The following TJP2 variants were observed in gnomAD, a reference collection of about 807,000 sequenced individuals.
TJP2 encodes the protein Friedreich ataxia region gene X104 (tight junction protein ZO-2).
TJP2 carries 91 observed loss-of-function variants against 133.1 expected under a neutral mutation model. That is an observed-to-expected ratio of 0.68 (90% CI 0.58 to 0.81). The LOEUF is 0.81. Among genes scored for constraint, TJP2 ranks in the 40% least tolerant of loss-of-function variants. The pLI, the probability that TJP2 is intolerant of heterozygous loss-of-function variation, is 0.00. For synonymous variants in TJP2, 592 were observed against 583.4 expected (o/e 1.01, Z -0.21); for missense variants, 1,541 against 1,565.6 (o/e 0.98, Z 0.26).
In TJP2 at chr9:69,179,303, G is replaced by A. The variant is rs140798498; in HGVS notation, c.60+4871G>A. On this transcript the variant is annotated intron_variant, in intron 1 of 22. Coordinates refer to ENST00000377245, the MANE Select transcript of TJP2 (RefSeq NM_004817.4). ...AATCAGGTTTTTTAACCTGAAAAAC[G>A]TAATGTAGCTTTCCTTAACCATTTA... Among the ~76,000 whole-genome samples, 22 of 152,236 alleles carry A rather than the reference G, an allele frequency of 1.4e-4. No individual in the cohort carries two copies. In the East Asian group the frequency reaches 3.7e-3, roughly 25 times the overall value.
intron 1 of TJP2, among the ~76,000 whole-genome samples, chr9:69,185,985 G>C (rs1825835160): frequency 6.6e-6 from 1 of 151,642 alleles, no homozygotes; most frequent in South Asian, 2.1e-4. Flanking sequence ...AGCCAGGATG[G>C]CCTCGATCTC....
intron 1 of TJP2, among the ~76,000 whole-genome samples, chr9:69,131,337 G>A (rs7048937): frequency 0.45 from 69,138 of 151,952 alleles, 15,839 homozygotes; most frequent in East Asian, 0.61. Flanking sequence ...GTTTTTGACA[G>A]TCCACGTTGT....
At chr9:69,196,593 A>C (rs1826575159) in intron 1 of TJP2, among the ~76,000 whole-genome samples, 1 of 133,428 alleles carries the variant, frequency 7.5e-6, no homozygotes, top group Non-Finnish European at 1.6e-5. Context: ...AGACTCTACG[A>C]TGTGATCTTT....
intron 11 of TJP2, among the ~76,000 whole-genome samples, chr9:69,232,247 AT>A (rs1829841709): frequency 6.6e-6 from 1 of 152,164 alleles, no homozygotes; most frequent in Non-Finnish European, 1.5e-5. Context: ...GTGCGAATAA[AT>A]TTTCTGTTGA....
chr9:69,219,501 T>G (rs188205925), intron 4 of TJP2, among the ~76,000 whole-genome samples: 1 of 152,316 alleles, frequency 6.6e-6, no homozygotes, highest in Non-Finnish European at 1.5e-5. Context: ...TTCCTATGAA[T>G]GAGGACATTC....
At chr9:69,150,189 T>C (rs7865373) in intron 1 of TJP2, among the ~76,000 whole-genome samples, 64,442 of 151,978 alleles carry the variant, frequency 0.42, 13,929 homozygotes, top group East Asian at 0.63. Context: ...ATAAATGCTA[T>C]GAAAAACAAA....
chr9:69,150,319 A>G (rs1400185896), intron 1 of TJP2, among the ~76,000 whole-genome samples: 1 of 147,448 alleles, frequency 6.8e-6, no homozygotes, highest in Admixed American at 6.7e-5. Context: ...TTGAGACAAG[A>G]GTTTCACTCT....
chr9:69,179,255 CCT>C (rs1222309229), intron 1 of TJP2, among the ~76,000 whole-genome samples: 2 of 152,266 alleles, frequency 1.3e-5, no homozygotes, highest in East Asian at 3.9e-4. Context: ...TTGTTTAGTG[CCT>C]CTGCCAGATG....
Position 69,251,317 on chromosome 9 carries a change from G to C in TJP2, c.3274G>C (p.Ala1092Pro). The C allele has an allele frequency of 6.2e-7, 1 of 1,614,168 alleles. No homozygotes were observed. Among genetic ancestry groups the C allele is most frequent in the Non-Finnish European group, 8.5e-7 (1 of 1,180,044 alleles). ...VKIFEKMDHK[A>P]RLQRMQELQE... ...AATATTTGAGAAGATGGATCACAAG[G>C]CCAGGTTACAGAGAATGCAGGAGCT... Residue 1092 changes from alanine to proline, a missense_variant, in exon 21 of 23, where the codon GCC becomes CCC. Physicochemically the swap from Ala to Pro is conservative, Grantham distance 27. Coordinates refer to ENST00000377245, the MANE Select transcript of TJP2 (RefSeq NM_004817.4).
chr9:69,212,535 TCTTTTAAAA>T lies in TJP2; in HGVS notation c.61-11_61-3del. 1 of 1,609,218 alleles carries T rather than the reference TCTTTTAAAA, an allele frequency of 6.2e-7. No homozygotes were observed. Among genetic ancestry groups the T allele is most frequent in the South Asian group, 1.1e-5 (1 of 90,976 alleles). On this transcript the variant is annotated splice_polypyrimidine_tract_variant and splice_region_variant and intron_variant, in intron 1 of 22. Transcript: ENST00000377245. ...GTGGTTTTCATCAGATTGGTTTTGT[TCTTTTAAAA>T]CAGGCCCCAGGCATGGAAGAGCTGA...
At chr9:69,167,233 C>A (rs1001448449) in intron 2 of TJP2, among the ~76,000 whole-genome samples, 3 of 151,554 alleles carry the variant, frequency 2.0e-5, no homozygotes, top group African/African-American at 7.3e-5. Context: ...AAGACTGTCT[C>A]AAAAACATAA....
At position 69,128,107 on chromosome 9, in the gene TJP2, TCATC is replaced by T. The variant is rs1822337221; in HGVS notation, c.-131+6386_-131+6389del. 2.6e-5 allele frequency among the ~76,000 whole-genome samples: 2 copies of T among 76,522 alleles called. 1 individual carries two copies. The highest frequency in any genetic ancestry group is 8.0e-5 in the African/African-American group (2 of 24,992). The allele number at this position is 76,522 out of a possible 152,430, so 50.2% of individuals were successfully genotyped here. ...CTTTATTCTTTCTATTGCTGAATAA[TCATC>T]CATTGCATGGACATGTCATAGTTTG... On this transcript the variant is annotated intron_variant, in intron 1 of 5. Transcript: ENST00000423935.
rs11137566 is a variant in TJP2 at position 69,221,535 on chromosome 9, A to G, written c.952+39A>G. The G allele has an allele frequency of 0.011, 17,971 of 1,583,108 alleles. 239 individuals carry two copies. Among genetic ancestry groups the G allele is most frequent in the East Asian group, 0.071 (3,124 of 43,710 alleles). ...ATGTGGGAAGAAAAGCACTGTTGTG[A>G]TATGAATAACCTTTGTTTTCTTAAT... On this transcript the variant is annotated intron_variant, in intron 5 of 22. Transcript: ENST00000377245.
At chr9:69,170,824 C>T (rs1415760928), upstream of TJP2, among the ~76,000 whole-genome samples, 1 of 152,188 alleles carries the variant, frequency 6.6e-6, no homozygotes, top group Non-Finnish European at 1.5e-5. Context: ...TAAATATTGG[C>T]ATTCCCAGAG....
chr9:69,159,400 AATATAATATTG>A (rs1356772195), intron 2 of TJP2, among the ~76,000 whole-genome samples: 1 of 26,498 alleles, frequency 3.8e-5, no homozygotes, highest in Non-Finnish European at 6.1e-5. Context: ...TGATATTTGA[AATATAATATTG>A]ATATTGATAT....
intron 17 of TJP2, among the ~76,000 whole-genome samples, chr9:69,244,109 G>A (rs563751480): frequency 6.6e-6 from 1 of 150,990 alleles, no homozygotes; most frequent in African/African-American, 2.4e-5. Flanking sequence ...ACTTAAGCCC[G>A]GGAGCTGGAG....
chr9:69,172,441 G>A (rs879580558), upstream of TJP2, among the ~76,000 whole-genome samples: 10 of 152,228 alleles, frequency 6.6e-5, no homozygotes, highest in Admixed American at 3.3e-4. Context: ...CCCTTGAAAT[G>A]AGACAAGTGT....
chr9:69,227,393 CACA>C (rs1829432193), intron 7 of TJP2, among the ~76,000 whole-genome samples: 2 of 152,132 alleles, frequency 1.3e-5, no homozygotes, highest in Non-Finnish European at 2.9e-5. Flanking sequence ...TCAACTGCCC[CACA>C]ACAACTGCAT....
chr9:69,221,067 C>G lies in TJP2; in HGVS notation c.523C>G (p.Pro175Ala). Residue 175 changes from proline (P) to alanine (A), a missense_variant, in exon 5 of 23, where the codon CCG becomes GCG. Pro to Ala is a conservative substitution (Grantham distance 27, BLOSUM62 -1). Transcript: ENST00000377245. ...GGRSRSWEDS[P>A]ERGRPHERAR... ...GCGCAGCCGCAGCTGGGAGGACAGCCCGGAAAGGGGGCGTCCCCATGAGCG... is the reference window on the plus strand; with the variant it reads ...GCGCAGCCGCAGCTGGGAGGACAGCGCGGAAAGGGGGCGTCCCCATGAGCG... 6.3e-7 allele frequency: 1 copy of G among 1,596,824 alleles called. No individual in the cohort carries two copies. The highest frequency in any genetic ancestry group is 8.5e-7 in the Non-Finnish European group (1 of 1,172,384).
Sources: gnomAD v4.1 joint callset for allele counts (sites outside exome capture counted in the v4.1 genomes callset) on GRCh38, gnomAD v4.1.1 for gene constraint, MANE v1.5 for transcripts, NCBI Gene and HGNC (gene_info 2026-07-23, HGNC 2026-07-21) for gene names.